POC1A: variants seen among roughly 807,000 people sequenced by gnomAD.
The protein encoded by POC1A is POC1 centriolar protein homolog A.
POC1A carries 34 observed loss-of-function variants against 47.8 expected under a neutral mutation model. That is an observed-to-expected ratio of 0.71 (90% CI 0.54 to 0.95). The LOEUF is 0.95. Ranked by LOEUF, POC1A falls within the 40% of genes least tolerant of loss-of-function variation. POC1A has a pLI of 0.00. For missense variants in POC1A, 466 were observed against 528.3 expected (o/e 0.88, Z 1.16); for synonymous variants, 177 against 207.6 (o/e 0.85, Z 1.27).
At chr3:52,080,377 C>T (rs897362575) in intron 10 of POC1A, among the ~76,000 whole-genome samples, 5 of 152,144 alleles carry the variant, frequency 3.3e-5, no homozygotes, top group African/African-American at 1.2e-4. Flanking sequence ...GGATCCCTGT[C>T]CTCACCCAGC....
intron 7 of POC1A, among the ~76,000 whole-genome samples, chr3:52,133,545 C>A (rs1232985417): frequency 6.6e-6 from 1 of 152,096 alleles, no homozygotes; most frequent in Non-Finnish European, 1.5e-5. Flanking sequence ...CCCTCAACAC[C>A]AGCACACAGG....
chr3:52,107,791 C>A (rs1703239596), intron 9 of POC1A, among the ~76,000 whole-genome samples: 1 of 152,214 alleles, frequency 6.6e-6, no homozygotes, highest in Non-Finnish European at 1.5e-5. Context: ...CCATATATCC[C>A]TCTGCCAGTG....
chr3:52,077,413 A>G (rs1005474008), intron 10 of POC1A, among the ~76,000 whole-genome samples: 2 of 152,256 alleles, frequency 1.3e-5, no homozygotes, highest in Non-Finnish European at 2.9e-5. Flanking sequence ...CACAGACATT[A>G]GCTGCCATGG....
chr3:52,111,179 C>T lies in POC1A; in HGVS notation c.981+11200G>A, dbSNP rs939258618. Among the ~76,000 whole-genome samples, 3 of 152,196 alleles carry T rather than the reference C, an allele frequency of 2.0e-5. No homozygotes were observed. In the East Asian group the frequency reaches 5.8e-4, roughly 29 times the overall value. On this transcript the variant is annotated intron_variant, in intron 9 of 10. Coordinates refer to ENST00000296484, the MANE Select transcript of POC1A (RefSeq NM_015426.5). ...TCATGAACTCTCCTCTGGAGAGGAA[C>T]CTACTTGCTTTTAGAATGGATGGAA... is the stretch of plus-strand genomic sequence containing the variant.
intron 4 of POC1A, among the ~76,000 whole-genome samples, chr3:52,147,893 C>T (rs1698420689): frequency 6.6e-6 from 1 of 151,904 alleles, no homozygotes; most frequent in Admixed American, 6.6e-5. Flanking sequence ...CAACAGCAAA[C>T]TCTGACCAAA....
intron 9 of POC1A, among the ~76,000 whole-genome samples, chr3:52,101,394 AG>A (rs1326924781): frequency 3.5e-3 from 1 of 286 alleles, no homozygotes; most frequent in East Asian, 0.083. Flanking sequence ...AAAGGCAGGG[AG>A]AAAAAAAAAC....
At chr3:52,104,804 C>T (rs969160669) in intron 9 of POC1A, among the ~76,000 whole-genome samples, 2 of 152,222 alleles carry the variant, frequency 1.3e-5, no homozygotes, top group African/African-American at 2.4e-5. Flanking sequence ...GGCAGGGCCT[C>T]CCAAGCAGCA....
chr3:52,136,306 GAGATGGGC>G, intron 7 of POC1A, among the ~76,000 whole-genome samples: 1 of 152,240 alleles, frequency 6.6e-6, no homozygotes, highest in East Asian at 1.9e-4. Context: ...TGTACCCTGG[GAGATGGGC>G]AGGGCCTACC....
chr3:52,087,801 G>A (rs1404774348), intron 10 of POC1A, among the ~76,000 whole-genome samples: 1 of 152,216 alleles, frequency 6.6e-6, no homozygotes, highest in African/African-American at 2.4e-5. Flanking sequence ...CACACCCAAA[G>A]GGAGGACCTG....
At chr3:52,149,727 T>G in intron 3 of POC1A, 89 bp downstream of exon 3, 1 of 1,314,064 alleles carries the variant, frequency 7.6e-7, no homozygotes, top group South Asian at 1.3e-5. Context: ...CTGTGACCAG[T>G]CCAGAGCCAA....
At chr3:52,146,123 G>A (rs1698356393) in intron 5 of POC1A, among the ~76,000 whole-genome samples, 162 bp from the exon 6 acceptor site, 2 of 152,262 alleles carry the variant, frequency 1.3e-5, no homozygotes, top group African/African-American at 4.8e-5. Context: ...GGCCAAGGGA[G>A]AGCAAGAAGA....
chr3:52,117,757 A>T lies in POC1A; in HGVS notation c.981+4622T>A, dbSNP rs145668277. ...TCTGTGTTCTCCTCCCACCCCACCC[A>T]GCGCAACCTTTCTTCCCCATTGCAT... On this transcript the variant is annotated intron_variant, in intron 9 of 10. Coordinates refer to ENST00000296484, the MANE Select transcript of POC1A (RefSeq NM_015426.5). Among the ~76,000 whole-genome samples the T allele has an allele frequency of 4.0e-4, 61 of 152,018 alleles. No individual in the cohort carries two copies. In the East Asian group the frequency reaches 9.5e-3, roughly 24 times the overall value.
intron 10 of POC1A, among the ~76,000 whole-genome samples, chr3:52,083,087 G>C (rs1702352226): frequency 1.3e-5 from 2 of 152,138 alleles, no homozygotes; most frequent in Admixed American, 1.3e-4. Flanking sequence ...CTGGCCTCTG[G>C]GGTGGCTGGG....
chr3:52,154,040 C>A (rs1276192070), intron 1 of POC1A, among the ~76,000 whole-genome samples: 1 of 152,262 alleles, frequency 6.6e-6, no homozygotes, highest in Non-Finnish European at 1.5e-5. Flanking sequence ...TGGAGAATGG[C>A]TAGAGAGGCC....
intron 7 of POC1A, among the ~76,000 whole-genome samples, chr3:52,126,853 C>T (rs955092487): frequency 1.3e-5 from 2 of 152,214 alleles, no homozygotes; most frequent in East Asian, 3.8e-4. Context: ...TATATATGGG[C>T]ATGGCCTCAG....
Position 52,075,589 on chromosome 3 carries a change from C to A in POC1A, c.*298G>T, listed in dbSNP as rs747487200. On this transcript the variant is annotated 3_prime_UTR_variant, in exon 11 of 11. Coordinates refer to ENST00000296484, the MANE Select transcript of POC1A (RefSeq NM_015426.5). Reference sequence around the variant, plus strand: ...CAGAGGGGGAGCCACAATCTCAGGACCCCGAAGGAGCAGACATTTTCAAGT... The same window carrying A: ...CAGAGGGGGAGCCACAATCTCAGGAACCCGAAGGAGCAGACATTTTCAAGT... The A allele has an allele frequency of 4.1e-6, 1 of 242,840 alleles. No individual in the cohort carries two copies. Among genetic ancestry groups the A allele is most frequent in the African/African-American group, 2.2e-5 (1 of 46,168 alleles). 15.0% of individuals were successfully genotyped at this position (242,840 alleles called of 1,614,324 possible).
At chr3:52,151,565 T>A (rs938041775) in intron 1 of POC1A, among the ~76,000 whole-genome samples, 3 of 148,944 alleles carry the variant, frequency 2.0e-5, no homozygotes, top group African/African-American at 7.5e-5. Flanking sequence ...GAGCAGAGAT[T>A]GTGCCACTGC....
At chr3:52,096,127 T>G (rs1039380173) in intron 10 of POC1A, among the ~76,000 whole-genome samples, 8 of 152,224 alleles carry the variant, frequency 5.3e-5, no homozygotes, top group African/African-American at 1.9e-4. Flanking sequence ...CTTGGTGAAC[T>G]AAAGGGATTT....
At chr3:52,132,358 G>C (rs947336881) in intron 7 of POC1A, among the ~76,000 whole-genome samples, 2 of 152,134 alleles carry the variant, frequency 1.3e-5, no homozygotes, top group South Asian at 4.1e-4. Context: ...CAAACTGTTT[G>C]TTCCTAAAAA....
Sources: gnomAD v4.1 joint callset for allele counts (sites outside exome capture counted in the v4.1 genomes callset) on GRCh38, gnomAD v4.1.1 for gene constraint, MANE v1.5 for transcripts, NCBI Gene and HGNC (gene_info 2026-07-23, HGNC 2026-07-21) for gene names.